PDE4D: variants seen among roughly 807,000 people sequenced by gnomAD.
PDE4D encodes phosphodiesterase 4D, also known as 3',5'-cyclic-AMP phosphodiesterase 4D.
Under a neutral mutation model 87.4 loss-of-function variants are expected in PDE4D, and 24 were observed. That is an observed-to-expected ratio of 0.27 (90% CI 0.20 to 0.39). The LOEUF is 0.39. Ranked by LOEUF, PDE4D falls within the 10% of genes least tolerant of loss-of-function variation. The pLI is 1.00. For missense variants in PDE4D, 714 were observed against 1,041.0 expected (o/e 0.69, Z 4.32); for synonymous variants, 384 against 383.2 (o/e 1.00, Z -0.02).
chr5:60,114,941 CATGGATGG>C (rs72415755), intron 2 of PDE4D, among the ~76,000 whole-genome samples: 29 of 89,124 alleles, frequency 3.3e-4, no homozygotes, highest in African/African-American at 8.5e-4. Flanking sequence ...TAGATAGATA[CATGGATGG>C]ATGGATGGAT....
intron 1 of PDE4D, among the ~76,000 whole-genome samples, chr5:59,666,440 T>C (rs1746089114): frequency 6.6e-6 from 1 of 152,210 alleles, no homozygotes; most frequent in African/African-American, 2.4e-5. Flanking sequence ...CAAAAGTTTA[T>C]TTTAGAAAAA....
chr5:59,493,881 G>A (rs1239971908), intron 1 of PDE4D, among the ~76,000 whole-genome samples: 1 of 152,126 alleles, frequency 6.6e-6, no homozygotes, highest in Non-Finnish European at 1.5e-5. Flanking sequence ...GGGAAAAGGT[G>A]GAACATACGT....
At chr5:59,646,905 C>T (rs917149056) in intron 1 of PDE4D, among the ~76,000 whole-genome samples, 2 of 151,950 alleles carry the variant, frequency 1.3e-5, no homozygotes, top group Non-Finnish European at 2.9e-5. Context: ...CATGGTGGCA[C>T]GAGCCTGTAG....
chr5:60,158,125 T>C (rs1290162684), intron 2 of PDE4D, among the ~76,000 whole-genome samples: 1 of 152,208 alleles, frequency 6.6e-6, no homozygotes, highest in Non-Finnish European at 1.5e-5. Context: ...AGTACAGTCA[T>C]GTGTCACTTA....
At chr5:59,676,093 G>GTA (rs765488186) in intron 1 of PDE4D, among the ~76,000 whole-genome samples, 4 of 138,636 alleles carry the variant, frequency 2.9e-5, no homozygotes, top group Admixed American at 2.8e-4. Context: ...ATATGTATAT[G>GTA]TATATACACA....
At chr5:59,361,821 A>AT (rs1266491180) in intron 1 of PDE4D, among the ~76,000 whole-genome samples, 2 of 152,244 alleles carry the variant, frequency 1.3e-5, no homozygotes, top group Non-Finnish European at 2.9e-5. Flanking sequence ...TTTTCAGGGC[A>AT]TCTTAAAAAT....
intron 1 of PDE4D, among the ~76,000 whole-genome samples, chr5:59,392,916 G>C (rs776385362): frequency 6.6e-6 from 1 of 152,102 alleles, no homozygotes; most frequent in African/African-American, 2.4e-5. Context: ...ATCTGCTGTC[G>C]AAGTCCTGGC....
chr5:59,893,483 T>C lies in PDE4D; in HGVS notation c.140A>G (p.Gln47Arg), dbSNP rs1337747427. 4 of 1,538,840 alleles carry C rather than the reference T, an allele frequency of 2.6e-6. No homozygotes were observed. In the Admixed American group the frequency reaches 6.0e-5, roughly 23 times the overall value. ...GTGATGGGGATGCAGGAGGCGGAAC[T>C]GGGGCTGCCGGAGCGGGTACTGGTG... ...QHHQYPLRQP[Q>R]FRLLHPHHHL... The change falls in exon 1 of 15, where the codon CAG (glutamine) becomes CGG (arginine). Residue 47 changes from glutamine (Q) to arginine (R), a missense_variant. Gln to Arg is a conservative substitution (Grantham distance 43, BLOSUM62 1). Transcript: ENST00000340635.
intron 1 of PDE4D, among the ~76,000 whole-genome samples, chr5:59,446,201 TG>T (rs1798316670): frequency 6.6e-6 from 1 of 152,158 alleles, no homozygotes; most frequent in South Asian, 2.1e-4. Context: ...CAAATATCAA[TG>T]GATCATTTTA....
intron 6 of PDE4D, among the ~76,000 whole-genome samples, chr5:59,014,613 A>G (rs1470591333): frequency 6.6e-6 from 1 of 152,202 alleles, no homozygotes; most frequent in Non-Finnish European, 1.5e-5. Context: ...TTCAGGGAGA[A>G]TTACAAACCA....
chr5:59,189,244 G>GTTTTTTTT (rs1392753870), intron 3 of PDE4D, among the ~76,000 whole-genome samples: 2 of 91,386 alleles, frequency 2.2e-5, no homozygotes. Context: ...TTTTTTTTTT[G>GTTTTTTTT]TTTTTTTTGT....
chr5:59,623,702 A>G (rs936439104), intron 1 of PDE4D, among the ~76,000 whole-genome samples: 4 of 152,096 alleles, frequency 2.6e-5, no homozygotes, highest in African/African-American at 9.7e-5. Flanking sequence ...TAGACTGTTG[A>G]GCGTTACTAG....
chr5:59,149,902 G>A (rs1482219461), intron 5 of PDE4D, among the ~76,000 whole-genome samples: 1 of 151,834 alleles, frequency 6.6e-6, no homozygotes, highest in Non-Finnish European at 1.5e-5. Context: ...AAAGTCTTCA[G>A]GTGTAATCCT....
intron 1 of PDE4D, among the ~76,000 whole-genome samples, chr5:60,510,177 G>A (rs1442038973): frequency 6.6e-6 from 1 of 152,220 alleles, no homozygotes; most frequent in African/African-American, 2.4e-5. Context: ...CTAAGCAGCA[G>A]CTGCTGGGAG....
intron 1 of PDE4D, among the ~76,000 whole-genome samples, chr5:60,421,387 A>G (rs992549856): frequency 6.6e-6 from 1 of 152,186 alleles, no homozygotes; most frequent in Non-Finnish European, 1.5e-5. Flanking sequence ...CACTGGTGAT[A>G]CCCAGGCAAA....
At chr5:59,240,340 A>G (rs1160266270) in intron 1 of PDE4D, among the ~76,000 whole-genome samples, 1 of 152,216 alleles carries the variant, frequency 6.6e-6, no homozygotes, top group Non-Finnish European at 1.5e-5. Context: ...CTCTTGTTGA[A>G]TAGCATATTG....
At chr5:59,386,300 C>G (rs534443391) in intron 1 of PDE4D, among the ~76,000 whole-genome samples, 5 of 152,112 alleles carry the variant, frequency 3.3e-5, no homozygotes, top group African/African-American at 9.6e-5. Context: ...TGTTAAGAGT[C>G]CAGTTGAATA....
At chr5:60,084,896 T>C (rs918133099) in intron 2 of PDE4D, among the ~76,000 whole-genome samples, 3 of 152,176 alleles carry the variant, frequency 2.0e-5, no homozygotes, top group African/African-American at 7.2e-5. Context: ...AATGAGGAAA[T>C]TTAAGCCTGA....
chr5:59,654,078 C>T (rs1743972120), intron 1 of PDE4D, among the ~76,000 whole-genome samples: 1 of 152,150 alleles, frequency 6.6e-6, no homozygotes. Flanking sequence ...TGGTGCCATG[C>T]ACTTGTATTC....
Sources: gnomAD v4.1 joint callset for allele counts (sites outside exome capture counted in the v4.1 genomes callset) on GRCh38, gnomAD v4.1.1 for gene constraint, MANE v1.5 for transcripts, NCBI Gene and HGNC (gene_info 2026-07-23, HGNC 2026-07-21) for gene names.